CDH4: variants seen among roughly 807,000 people sequenced by gnomAD.
CDH4 encodes cadherin 4.
Under a neutral mutation model 86.0 loss-of-function variants are expected in CDH4, and 33 were observed. The ratio of observed to expected loss-of-function variants is 0.38; its 90% CI spans 0.29 to 0.51. CDH4 has a LOEUF of 0.51. Among genes scored for constraint, CDH4 ranks in the 20% least tolerant of loss-of-function variants. CDH4 has a pLI of 0.86. For missense variants in CDH4, 1,114 were observed against 1,307.4 expected (o/e 0.85, Z 2.28); for synonymous variants, 555 against 549.4 (o/e 1.01, Z -0.14).
intron 9 of CDH4, among the ~76,000 whole-genome samples, chr20:61,917,473 C>T (rs1302380265): frequency 2.6e-5 from 4 of 152,284 alleles, no homozygotes; most frequent in African/African-American, 9.6e-5. Context: ...ACAGAGCTGG[C>T]CTTCCTGTGG....
chr20:61,699,143 A>T (rs376253182), intron 2 of CDH4, among the ~76,000 whole-genome samples: 1 of 152,198 alleles, frequency 6.6e-6, no homozygotes, highest in African/African-American at 2.4e-5. Context: ...GAACCTTACT[A>T]TGAAGTGTGT....
At chr20:61,667,719 C>T (rs2087342684) in intron 2 of CDH4, among the ~76,000 whole-genome samples, 1 of 152,152 alleles carries the variant, frequency 6.6e-6, no homozygotes, top group South Asian at 2.1e-4. Flanking sequence ...TCGGGCTGGA[C>T]TCGGGTCTTT....
At chr20:61,603,016 C>T (rs2145747608) in intron 2 of CDH4, among the ~76,000 whole-genome samples, 1 of 152,356 alleles carries the variant, frequency 6.6e-6, no homozygotes, top group East Asian at 1.9e-4. Flanking sequence ...GATTAAGCAA[C>T]CATTTTGCAC....
intron 2 of CDH4, among the ~76,000 whole-genome samples, chr20:61,713,559 T>C (rs141739962): frequency 8.3e-4 from 126 of 152,362 alleles, no homozygotes; most frequent in African/African-American, 2.7e-3. Context: ...TCTGCTTATG[T>C]AGCAGCACAG....
At chr20:61,262,295 G>A (rs1204890098) in intron 2 of CDH4, among the ~76,000 whole-genome samples, 1 of 152,226 alleles carries the variant, frequency 6.6e-6, no homozygotes, top group Non-Finnish European at 1.5e-5. Context: ...GGTCCTGGGT[G>A]TCTGCAGAGA....
chr20:61,762,481 C>T (rs1442548018), intron 3 of CDH4, among the ~76,000 whole-genome samples: 1 of 152,230 alleles, frequency 6.6e-6, no homozygotes, highest in Non-Finnish European at 1.5e-5. Flanking sequence ...CTGTTTTCCC[C>T]ACATGGCTCA....
chr20:61,368,500 A>G (rs1405168329), intron 2 of CDH4, among the ~76,000 whole-genome samples: 1 of 152,182 alleles, frequency 6.6e-6, no homozygotes, highest in Middle Eastern at 3.2e-3. Flanking sequence ...CTCCAAAGCA[A>G]TGAACAATAA....
chr20:61,337,251 A>G (rs2084622118), intron 2 of CDH4, among the ~76,000 whole-genome samples: 1 of 18,658 alleles, frequency 5.4e-5, no homozygotes, highest in Admixed American at 4.2e-4. Flanking sequence ...GGTGGTGAAG[A>G]TGATGGTGAT....
rs1363292881 is a variant in CDH4 at position 61,432,937 on chromosome 20, C to T, written c.169+178000C>T. Among the ~76,000 whole-genome samples, 5 of 149,208 alleles carry T rather than the reference C, an allele frequency of 3.4e-5. No homozygotes were observed. In the Admixed American group the frequency reaches 3.4e-4, roughly 10 times the overall value. Reference sequence around the variant, plus strand: ...CACTGCAGCCTCTGCCTCCCGGGTTCCAGCAATTCTCCTGCCTCAGCCTCC... The same window carrying T: ...CACTGCAGCCTCTGCCTCCCGGGTTTCAGCAATTCTCCTGCCTCAGCCTCC... On this transcript the variant is annotated intron_variant, in intron 2 of 15. Coordinates refer to ENST00000614565, the MANE Select transcript of CDH4 (RefSeq NM_001794.5).
rs989942577 is a variant in CDH4 at position 61,535,195 on chromosome 20, C to T, written c.170-208368C>T. On this transcript the variant is annotated intron_variant, in intron 2 of 15. Coordinates refer to ENST00000614565, the MANE Select transcript of CDH4 (RefSeq NM_001794.5). ...CCATGACTGATTCCTATTTCACAGG[C>T]GAGGAAGCTGAGGCTCAGAAGTGCG... Among the ~76,000 whole-genome samples the T allele has an allele frequency of 7.2e-5, 11 of 152,322 alleles. No individual in the cohort carries two copies. In the South Asian group the frequency reaches 1.4e-3, roughly 20 times the overall value.
intron 2 of CDH4, among the ~76,000 whole-genome samples, chr20:61,487,249 C>G (rs563011509): frequency 8.6e-5 from 13 of 152,002 alleles, no homozygotes; most frequent in Non-Finnish European, 1.8e-4. Flanking sequence ...ATCAGTTGAC[C>G]GTAGTTATGT....
intron 2 of CDH4, among the ~76,000 whole-genome samples, chr20:61,637,245 G>A (rs368617761): frequency 1.4e-4 from 22 of 152,356 alleles, no homozygotes; most frequent in African/African-American, 4.8e-4. Flanking sequence ...GGGGATGCGC[G>A]TGTGTGTCTG....
rs114779306 is a variant in CDH4 at position 61,507,930 on chromosome 20, G to A, written c.170-235633G>A. Among the ~76,000 whole-genome samples, 954 of 152,266 alleles carry A rather than the reference G, an allele frequency of 6.3e-3. 9 individuals carry two copies. Among genetic ancestry groups the A allele is most frequent in the African/African-American group, 0.018 (764 of 41,540 alleles). ...AAAACTATTCTAAAATAAAAGGCTC[G>A]CTTTAAAATGTATAAACAAGATAAT... On this transcript the variant is annotated intron_variant, in intron 2 of 15. Transcript: ENST00000614565.
chr20:61,634,347 A>G (rs969114611), intron 2 of CDH4, among the ~76,000 whole-genome samples: 1 of 152,186 alleles, frequency 6.6e-6, no homozygotes, highest in Non-Finnish European at 1.5e-5. Context: ...CAAAGGGAGG[A>G]TGAGACAGTC....
At chr20:61,757,960 C>T (rs758687866) in intron 3 of CDH4, among the ~76,000 whole-genome samples, 1 of 152,170 alleles carries the variant, frequency 6.6e-6, no homozygotes, top group Non-Finnish European at 1.5e-5. Flanking sequence ...TGGGCATTCA[C>T]GTGTCCCGGC....
At chr20:61,420,241 C>T (rs1050964464) in intron 2 of CDH4, among the ~76,000 whole-genome samples, 1 of 152,160 alleles carries the variant, frequency 6.6e-6, no homozygotes, top group East Asian at 1.9e-4. Context: ...TCCTGCTGTG[C>T]GGGGAAACGC....
At chr20:61,540,709 T>G (rs1193142192) in intron 2 of CDH4, among the ~76,000 whole-genome samples, 1 of 152,124 alleles carries the variant, frequency 6.6e-6, no homozygotes, top group Non-Finnish European at 1.5e-5. Flanking sequence ...GATCTGACTT[T>G]AGGATGAAGT....
At chr20:61,693,268 GT>G (rs2087679017) in intron 2 of CDH4, among the ~76,000 whole-genome samples, 1 of 149,366 alleles carries the variant, frequency 6.7e-6, no homozygotes, top group South Asian at 2.2e-4. Context: ...CGTCGGGCCT[GT>G]TCCTGGGCTG....
At chr20:61,333,069 C>G (rs576923321) in intron 2 of CDH4, among the ~76,000 whole-genome samples, 2 of 152,308 alleles carry the variant, frequency 1.3e-5, no homozygotes, top group East Asian at 3.9e-4. Flanking sequence ...TTTTTGGCTT[C>G]TAAGAAACTT....
Sources: gnomAD v4.1 joint callset for allele counts (sites outside exome capture counted in the v4.1 genomes callset) on GRCh38, gnomAD v4.1.1 for gene constraint, MANE v1.5 for transcripts, NCBI Gene and HGNC (gene_info 2026-07-23, HGNC 2026-07-21) for gene names.